Variants in TMEFF2 observed in about 807,000 individuals in gnomAD.
TMEFF2 encodes transmembrane protein with EGF like and two follistatin like domains 2.
TMEFF2 carries 28 observed loss-of-function variants against 53.8 expected under a neutral mutation model. That is an observed-to-expected ratio of 0.52 (90% CI 0.39 to 0.71). The LOEUF (loss-of-function observed/expected upper bound fraction) is 0.71, where lower values mean the gene tolerates loss of function less well. Ranked by LOEUF, TMEFF2 falls within the 30% of genes least tolerant of loss-of-function variation. TMEFF2 has a pLI of 0.00. For missense variants in TMEFF2, 353 were observed against 455.2 expected (o/e 0.78, Z 2.04); for synonymous variants, 162 against 166.3 (o/e 0.97, Z 0.20).
intron 4 of TMEFF2, among the ~76,000 whole-genome samples, chr2:192,156,715 G>A (rs965782081): frequency 3.3e-5 from 5 of 151,904 alleles, no homozygotes; most frequent in Non-Finnish European, 5.9e-5. Context: ...ATCCGATTCC[G>A]AATTTGGCGG....
chr2:192,185,064 G>A (rs1691278244), intron 2 of TMEFF2, among the ~76,000 whole-genome samples: 1 of 151,720 alleles, frequency 6.6e-6, no homozygotes, highest in African/African-American at 2.4e-5. Flanking sequence ...ATATTGATGT[G>A]GATATGGTCT....
intron 6 of TMEFF2, 60 bp downstream of exon 6, chr2:191,998,998 CTT>C: frequency 1.3e-6 from 2 of 1,527,244 alleles, no homozygotes; most frequent in Non-Finnish European, 8.9e-7. Flanking sequence ...GTTTTCTTCA[CTT>C]TTCATTTTTG....
chr2:192,047,044 C>G (rs1687640626), intron 5 of TMEFF2, among the ~76,000 whole-genome samples: 1 of 151,960 alleles, frequency 6.6e-6, no homozygotes, highest in Admixed American at 6.6e-5. Flanking sequence ...CTTTAGCCTC[C>G]CAAGTAGCTG....
intron 5 of TMEFF2, chr2:192,034,576 A>T (rs1687235943): frequency 6.6e-6 from 1 of 152,162 alleles, no homozygotes. Flanking sequence ...ATCTTTCTAA[A>T]TATATTCTTC....
intron 4 of TMEFF2, among the ~76,000 whole-genome samples, chr2:192,159,199 T>C (rs1380527096): frequency 1.3e-5 from 2 of 152,160 alleles, no homozygotes; most frequent in Non-Finnish European, 2.9e-5. Flanking sequence ...TGTTTTATGC[T>C]ACCGTTATTT....
chr2:192,082,356 G>A (rs1175773787), intron 4 of TMEFF2, among the ~76,000 whole-genome samples: 2 of 152,062 alleles, frequency 1.3e-5, no homozygotes, highest in African/African-American at 2.4e-5. Flanking sequence ...AGCACAGAGC[G>A]CCAAACAGCA....
At chr2:192,175,275 T>A (rs188730326) in intron 4 of TMEFF2, among the ~76,000 whole-genome samples, 14 of 151,682 alleles carry the variant, frequency 9.2e-5, no homozygotes, top group Admixed American at 2.6e-4. Context: ...CTTAAAATAT[T>A]TTTGCCAGTT....
chr2:192,077,784 A>G lies in TMEFF2; in HGVS notation c.440-20009T>C, dbSNP rs1240098191. 5.9e-5 allele frequency among the ~76,000 whole-genome samples: 9 copies of G among 151,994 alleles called. No homozygotes were observed. The South Asian group carries it at 1.9e-3, about 32-fold the overall frequency. ...TGTTCATATATACTTGTACACATAC[A>G]ATTTTATATGTATGTATATATTTGT... is the stretch of plus-strand genomic sequence containing the variant. On this transcript the variant is annotated intron_variant, in intron 4 of 9. Coordinates refer to ENST00000272771, the MANE Select transcript of TMEFF2 (RefSeq NM_016192.4).
chr2:191,999,252 G>T, intron 5 of TMEFF2, 44 bp from the exon 6 acceptor site: 2 of 1,450,894 alleles, frequency 1.4e-6, no homozygotes, highest in East Asian at 2.4e-5. Context: ...CAATAGTGTT[G>T]TTACCACATT....
At chr2:192,148,386 T>TGG (rs1016035408) in intron 4 of TMEFF2, among the ~76,000 whole-genome samples, 1 of 152,014 alleles carries the variant, frequency 6.6e-6, no homozygotes, top group African/African-American at 2.4e-5. Flanking sequence ...ATATACTTGA[T>TGG]CGACAGTCCA....
chr2:192,168,735 A>C (rs1017002658), intron 4 of TMEFF2, among the ~76,000 whole-genome samples: 4 of 152,096 alleles, frequency 2.6e-5, no homozygotes, highest in African/African-American at 4.8e-5. Context: ...ATTCATATCC[A>C]GCTTTTAATT....
At chr2:192,077,858 T>A (rs1688468653) in intron 4 of TMEFF2, among the ~76,000 whole-genome samples, 1 of 152,064 alleles carries the variant, frequency 6.6e-6, no homozygotes, top group African/African-American at 2.4e-5. Flanking sequence ...ATAAGAGACT[T>A]AACAAAACTT....
At chr2:192,129,011 C>T (rs1427287965) in intron 4 of TMEFF2, among the ~76,000 whole-genome samples, 2 of 152,190 alleles carry the variant, frequency 1.3e-5, no homozygotes, top group East Asian at 1.9e-4. Context: ...CACATTTCCT[C>T]TGGGACATGC....
At chr2:191,999,441 A>G (rs558764306) in intron 5 of TMEFF2, among the ~76,000 whole-genome samples, 1 of 152,034 alleles carries the variant, frequency 6.6e-6, no homozygotes, top group Non-Finnish European at 1.5e-5. Flanking sequence ...GAAAAACTCA[A>G]AAATGATCAT....
intron 4 of TMEFF2, among the ~76,000 whole-genome samples, chr2:192,159,994 C>T (rs776582087): frequency 4.6e-4 from 70 of 152,098 alleles, no homozygotes; most frequent in African/African-American, 1.6e-3. Context: ...CCTTTGGCAA[C>T]GAAATGAATA....
At chr2:192,095,375 C>T (rs1378881063) in intron 4 of TMEFF2, among the ~76,000 whole-genome samples, 2 of 152,022 alleles carry the variant, frequency 1.3e-5, no homozygotes, top group African/African-American at 4.8e-5. Flanking sequence ...TCTGTAATCC[C>T]AGCACTTTGG....
intron 4 of TMEFF2, among the ~76,000 whole-genome samples, chr2:192,084,645 G>GT (rs1317607285): frequency 6.6e-6 from 1 of 151,824 alleles, no homozygotes; most frequent in East Asian, 1.9e-4. Context: ...TTTTTATATT[G>GT]TTTTATACTG....
intron 4 of TMEFF2, among the ~76,000 whole-genome samples, chr2:192,158,324 C>T (rs539019849): frequency 2.0e-5 from 3 of 151,878 alleles, no homozygotes; most frequent in Non-Finnish European, 4.4e-5. Flanking sequence ...GAGATTATAT[C>T]TCTGATATAT....
rs531232554 is a variant in TMEFF2, at chr2:192,045,271, T to TG, written c.536+12407dup. On this transcript the variant is annotated intron_variant, in intron 5 of 9. Coordinates refer to ENST00000272771, the MANE Select transcript of TMEFF2 (RefSeq NM_016192.4). Reference sequence around the variant, plus strand: ...TAGGCAGAACTTCAAGCAGTGCACCTGATTGTTCACTTTGCTTGGGAGAAA... The same window carrying TG: ...TAGGCAGAACTTCAAGCAGTGCACCTGGATTGTTCACTTTGCTTGGGAGAAA... Among the ~76,000 whole-genome samples, 6 of 152,322 alleles carry TG rather than the reference T, an allele frequency of 3.9e-5. No individual in the cohort carries two copies. In the East Asian group the frequency reaches 1.2e-3, roughly 29 times the overall value.
Sources: allele counts gnomAD v4.1 joint callset (sites outside exome capture counted in the v4.1 genomes callset), GRCh38; gene constraint gnomAD v4.1.1; transcripts MANE v1.5; gene names NCBI Gene and HGNC (gene_info 2026-07-23, HGNC 2026-07-21).